Variants in SYNE2 observed in about 807,000 individuals in gnomAD.
SYNE2 encodes nesprin-2.
Under a neutral mutation model 856.3 loss-of-function variants are expected in SYNE2, and 431 were observed. The ratio of observed to expected loss-of-function variants is 0.50; its 90% confidence interval spans 0.47 to 0.55. SYNE2 has a LOEUF of 0.55. SYNE2 is among the 20% of genes least tolerant of loss of function. The pLI is 0.00. For missense variants in SYNE2, 8,129 were observed against 8,023.2 expected (o/e 1.01, Z -0.50); for synonymous variants, 2,923 against 2,872.3 (o/e 1.02, Z -0.56).
intron 65 of SYNE2, among the ~76,000 whole-genome samples, chr14:64,111,858 A>C (rs2097811150): frequency 6.6e-6 from 1 of 152,166 alleles, no homozygotes; most frequent in Non-Finnish European, 1.5e-5. Flanking sequence ...CCAAGCATAG[A>C]CTTGACTATA....
At chr14:64,190,661 C>T (rs1362188181) in intron 99 of SYNE2, 2 of 699,680 alleles carry the variant, frequency 2.9e-6, no homozygotes, top group East Asian at 2.7e-5. Flanking sequence ...CCATGACTGC[C>T]CCACTACTTG....
chr14:64,090,769 C>A, intron 59 of SYNE2, 97 bp from the exon 60 acceptor site: 1 of 1,111,858 alleles, frequency 9.0e-7, no homozygotes. Flanking sequence ...AAAATGCAAA[C>A]TATAAAAACT....
intron 92 of SYNE2, among the ~76,000 whole-genome samples, 184 bp downstream of exon 92, chr14:64,167,823 A>T (rs924753225): frequency 1.3e-5 from 2 of 152,178 alleles, no homozygotes; most frequent in Non-Finnish European, 2.9e-5. Context: ...AAATTTCAAC[A>T]TTTACTGCTC....
intron 98 of SYNE2, among the ~76,000 whole-genome samples, chr14:64,189,694 G>A (rs1423337268): frequency 6.6e-6 from 1 of 152,178 alleles, no homozygotes; most frequent in Non-Finnish European, 1.5e-5. Context: ...AAGGTATGAG[G>A]TTTTGAGACA....
In SYNE2 at chr14:63,990,927, T is replaced by C. The variant is rs1275817317; in HGVS notation, c.2473-15T>C. ...TTGGTCCCCGTGTTAATTTGAGAAT[T>C]TTTTTGTCTTCAAGATCAATGTGGT... On this transcript the variant is annotated splice_polypyrimidine_tract_variant and intron_variant, in intron 20 of 115. Transcript: ENST00000555002. 6.2e-7 allele frequency: 1 copy of C among 1,613,500 alleles called. No individual in the cohort carries two copies. The highest frequency in any genetic ancestry group is 1.1e-5 in the South Asian group (1 of 91,044).
At chr14:64,106,457 G>A (rs1342406954) in intron 64 of SYNE2, among the ~76,000 whole-genome samples, 1 of 152,156 alleles carries the variant, frequency 6.6e-6, no homozygotes, top group Non-Finnish European at 1.5e-5. Context: ...AGATCATCCT[G>A]GCTAAAACGG....
intron 1 of SYNE2, among the ~76,000 whole-genome samples, chr14:63,794,427 T>C (rs5012497): frequency 0.1 from 15,830 of 152,084 alleles, 919 homozygotes; most frequent in African/African-American, 0.15. Context: ...TGGCCTCAAA[T>C]GATCCTCCCG....
intron 1 of SYNE2, among the ~76,000 whole-genome samples, chr14:63,869,177 G>A (rs573258701): frequency 5.9e-5 from 9 of 152,326 alleles, no homozygotes; most frequent in Admixed American, 1.3e-4. Flanking sequence ...GATGAAAAGT[G>A]TCCCAGAGAG....
chr14:63,817,343 T>C (rs1454044722), intron 1 of SYNE2, among the ~76,000 whole-genome samples: 2 of 152,000 alleles, frequency 1.3e-5, no homozygotes, highest in African/African-American at 4.8e-5. Context: ...GGCATGTGCC[T>C]GTAGTCCTGG....
At chr14:63,902,933 C>T (rs1032492615) in intron 1 of SYNE2, among the ~76,000 whole-genome samples, 4 of 152,116 alleles carry the variant, frequency 2.6e-5, no homozygotes, top group Admixed American at 6.6e-5. Context: ...CTGCCTCTGG[C>T]TTCCTAAGTG....
At chr14:63,906,285 C>T (rs181364561) in intron 1 of SYNE2, among the ~76,000 whole-genome samples, 7 of 152,100 alleles carry the variant, frequency 4.6e-5, no homozygotes, top group African/African-American at 1.7e-4. Context: ...TGTGTCTTTG[C>T]CAAATTTTGG....
chr14:64,090,819 G>T, intron 59 of SYNE2, 47 bp from the exon 60 acceptor site: 1 of 1,503,714 alleles, frequency 6.7e-7, no homozygotes, highest in Non-Finnish European at 9.2e-7. Flanking sequence ...TTTAACAGTG[G>T]CCATTGTCTT....
At chr14:64,062,086 T>TATATGTATGCAC (rs2097321894) in intron 49 of SYNE2, among the ~76,000 whole-genome samples, 1 of 152,194 alleles carries the variant, frequency 6.6e-6, no homozygotes, top group South Asian at 2.1e-4. Context: ...TTTTAGTGTT[T>TATATGTATGCAC]TAAAATATAT....
intron 52 of SYNE2, among the ~76,000 whole-genome samples, chr14:64,073,183 G>T (rs2097426278): frequency 6.6e-6 from 1 of 152,114 alleles, no homozygotes; most frequent in Admixed American, 6.5e-5. Flanking sequence ...CCAGAGGTTG[G>T]GGGTGTGTGT....
chr14:63,792,669 GTT>G, intron 1 of SYNE2, among the ~76,000 whole-genome samples: 1 of 151,384 alleles, frequency 6.6e-6, no homozygotes, highest in South Asian at 2.1e-4. Context: ...TTGTTTGTTT[GTT>G]TGTTTGTTTT....
chr14:63,903,241 G>T (rs2095362319), intron 1 of SYNE2, among the ~76,000 whole-genome samples: 1 of 151,984 alleles, frequency 6.6e-6, no homozygotes, highest in Admixed American at 6.6e-5. Flanking sequence ...ACAGTATTTG[G>T]GTTAATAATC....
At position 63,982,660 on chromosome 14, in the gene SYNE2, C is replaced by G. The variant is rs886050579; in HGVS notation, c.1867C>G (p.Leu623Val). 1.2e-6 allele frequency: 2 copies of G among 1,613,948 alleles called. No individual in the cohort carries two copies. Among genetic ancestry groups the G allele is most frequent in the Non-Finnish European group, 1.7e-6 (2 of 1,179,986 alleles). ...CTTTGAGACACTAGCCCAGTGGAAT[C>G]TAGAACACGCTACTTTAAATGAAGC... ...VPFETLAQWN[L>V]EHATLNEAGN... The change falls in exon 17 of 116, where the codon CTA becomes GTA. Residue 623 changes from leucine (L) to valine (V), a missense_variant. Leu to Val is a conservative substitution (Grantham distance 32). Coordinates refer to ENST00000555002, the MANE Select transcript of SYNE2 (RefSeq NM_182914.3).
intron 1 of SYNE2, among the ~76,000 whole-genome samples, chr14:63,824,810 A>C (rs1375689151): frequency 1.3e-5 from 2 of 152,086 alleles, no homozygotes; most frequent in Non-Finnish European, 2.9e-5. Flanking sequence ...CTATGCACCC[A>C]CAAAAATTAA....
At chr14:64,007,263 T>C (rs906110511) in intron 31 of SYNE2, 41 bp downstream of exon 31, 2 of 1,589,346 alleles carry the variant, frequency 1.3e-6, no homozygotes, top group Non-Finnish European at 8.6e-7. Flanking sequence ...TGAAAAATTG[T>C]CTGTAGCACA....
Sources: allele counts gnomAD v4.1 joint callset (sites outside exome capture counted in the v4.1 genomes callset), GRCh38; gene constraint gnomAD v4.1.1; transcripts MANE v1.5; gene names NCBI Gene and HGNC (gene_info 2026-07-23, HGNC 2026-07-21).